The following SLC18B1 variants were observed in gnomAD, a reference collection of about 807,000 sequenced individuals.
The protein encoded by SLC18B1 is MFS-type transporter SLC18B1.
Under a neutral mutation model 53.9 loss-of-function variants are expected in SLC18B1, and 62 were observed. That is an observed-to-expected ratio of 1.15 (90% CI 0.94 to 1.42). The LOEUF (loss-of-function observed/expected upper bound fraction) is 1.42. Among genes scored for constraint, SLC18B1 ranks in the 40% most tolerant of loss-of-function variants. SLC18B1 has a pLI of 0.00. For missense variants in SLC18B1, 598 were observed against 547.3 expected (o/e 1.09, Z -0.93); for synonymous variants, 217 against 200.9 (o/e 1.08, Z -0.68).
intron 1 of SLC18B1, 87 bp from the exon 2 acceptor site, chr6:132,797,208 A>C (rs1369362367): frequency 6.6e-7 from 1 of 1,507,454 alleles, no homozygotes; most frequent in African/African-American, 1.4e-5. Flanking sequence ...CATATGTTGC[A>C]CTCTGAAGAT....
In SLC18B1 at chr6:132,795,004, CAAAA is replaced by C. The variant is rs920593881; in HGVS notation, c.183+1974_183+1977del. ...TCGATGACAGAGTGAAACCCTGTCT[CAAAA>C]AAAAAGCCCCAACTTAGATTTAGCC... On this transcript the variant is annotated intron_variant, in intron 2 of 13. Transcript: ENST00000275227. Among the ~76,000 whole-genome samples the C allele has an allele frequency of 2.0e-5, 3 of 150,000 alleles. No homozygotes were observed. In the East Asian group the frequency reaches 5.9e-4, roughly 29 times the overall value.
In SLC18B1 at chr6:132,772,975, G is replaced by A. The variant is rs770016111; in HGVS notation, c.1085+18C>T. On this transcript the variant is annotated intron_variant, in intron 10 of 13. Coordinates refer to ENST00000275227, the MANE Select transcript of SLC18B1 (RefSeq NM_052831.3). ...ACTTATTCACAATACAGCTCTTCAA[G>A]CAATGGAAGTAACTTACTGTGCACA... 6.3e-7 allele frequency: 1 copy of A among 1,575,698 alleles called. No homozygotes were observed. The highest frequency in any genetic ancestry group is 1.1e-5 in the South Asian group (1 of 90,176).
chr6:132,780,751 G>A (rs1417555517), intron 6 of SLC18B1, among the ~76,000 whole-genome samples: 4 of 151,810 alleles, frequency 2.6e-5, no homozygotes, highest in African/African-American at 9.7e-5. Context: ...TAGTAGAGAC[G>A]GGGTTTCACC....
Position 132,798,503 on chromosome 6 carries a change from G to A in SLC18B1, c.-47C>T. 6.9e-7 allele frequency: 1 copy of A among 1,440,712 alleles called. No individual in the cohort carries two copies. Among genetic ancestry groups the A allele is most frequent in the Non-Finnish European group, 9.2e-7 (1 of 1,091,108 alleles). 89.2% of individuals were successfully genotyped at this position (1,440,712 alleles called of 1,614,324 possible). On this transcript the variant is annotated 5_prime_UTR_variant, in exon 1 of 14. In the 5' UTR this introduces an upstream ATG that the reference lacks. Transcript: ENST00000275227. ...GCCCCAGCTCCCGGCTTCAAGCCAC[G>A]TCCTTGGACTCGACCTCCAAGGAGC...
At chr6:132,778,009 T>C (rs912786369) in intron 7 of SLC18B1, among the ~76,000 whole-genome samples, 1 of 152,134 alleles carries the variant, frequency 6.6e-6, no homozygotes, top group Non-Finnish European at 1.5e-5. Flanking sequence ...GTCAGCAAAG[T>C]GAGATAGGCT....
chr6:132,782,236 A>T (rs1480838840), intron 6 of SLC18B1, among the ~76,000 whole-genome samples: 1 of 151,962 alleles, frequency 6.6e-6, no homozygotes, highest in East Asian at 1.9e-4. Flanking sequence ...GGCTTTCAGG[A>T]TAACATTCAC....
At chr6:132,770,666 G>A (rs1393379315) in intron 13 of SLC18B1, among the ~76,000 whole-genome samples, 2 of 152,154 alleles carry the variant, frequency 1.3e-5, no homozygotes, top group Non-Finnish European at 2.9e-5. Flanking sequence ...AACCCGGGGG[G>A]CAGAAGTTGC....
chr6:132,776,302 C>A (rs781320037), intron 8 of SLC18B1, 26 bp downstream of exon 8: 3 of 1,566,054 alleles, frequency 1.9e-6, no homozygotes, highest in Non-Finnish European at 1.8e-6. Context: ...ACAAAAGTGA[C>A]TCAAATATAA....
intron 5 of SLC18B1, among the ~76,000 whole-genome samples, chr6:132,787,127 G>C (rs1054538770): frequency 2.0e-4 from 30 of 152,160 alleles, no homozygotes; most frequent in Middle Eastern, 3.4e-3. Context: ...AGGCTACGGG[G>C]AGACAGCAAA....
intron 6 of SLC18B1, among the ~76,000 whole-genome samples, chr6:132,781,065 T>A (rs1006216209): frequency 3.3e-5 from 5 of 152,202 alleles, no homozygotes; most frequent in African/African-American, 1.2e-4. Context: ...TAGTTACTTT[T>A]AAAATATAAA....
At chr6:132,778,448 T>C (rs1158657543) in intron 7 of SLC18B1, among the ~76,000 whole-genome samples, 2 of 152,186 alleles carry the variant, frequency 1.3e-5, no homozygotes, top group Admixed American at 6.5e-5. Flanking sequence ...AGGGGTAGTG[T>C]AAAATTATAA....
rs542590960 is a variant in SLC18B1, at chr6:132,781,057, G to A, written c.659-1653C>T. Among the ~76,000 whole-genome samples the A allele has an allele frequency of 1.5e-4, 23 of 152,170 alleles. 1 individual carries two copies. Among genetic ancestry groups the A allele is most frequent in the African/African-American group, 5.5e-4 (23 of 41,496 alleles). On this transcript the variant is annotated intron_variant, in intron 6 of 13. Transcript: ENST00000275227. ...TGAATTGTATATACTAAGGATGTTA[G>A]TTACTTTTAAAATATAAATTATAAA...
In SLC18B1 at chr6:132,787,390, G is replaced by A. The variant is rs375871138; in HGVS notation, c.501+44C>T. The A allele has an allele frequency of 2.0e-5, 30 of 1,487,740 alleles. No homozygotes were observed. The African/African-American group carries it at 4.3e-4, about 21-fold the overall frequency. The allele number at this position is 1,487,740 out of a possible 1,614,324, so 92.2% of individuals were successfully genotyped here. A position where few individuals can be genotyped will look rare whatever the true frequency, so the allele number is the denominator to read the frequency against. On this transcript the variant is annotated intron_variant, in intron 5 of 13. Coordinates refer to ENST00000275227, the MANE Select transcript of SLC18B1 (RefSeq NM_052831.3). ...TTAACTTGGAAGGGCAAATATTTTGGCCTACACTCAAAGGAAAGTGGGAAA... is the reference window on the plus strand; with the variant it reads ...TTAACTTGGAAGGGCAAATATTTTGACCTACACTCAAAGGAAAGTGGGAAA...
intron 8 of SLC18B1, 88 bp downstream of exon 8, chr6:132,776,240 G>T: frequency 2.0e-6 from 2 of 1,011,462 alleles, no homozygotes; most frequent in Non-Finnish European, 3.0e-6. Flanking sequence ...AGTCTAACCA[G>T]TGGAATCCTA....
At chr6:132,795,210 CT>C (rs1397916289) in intron 2 of SLC18B1, among the ~76,000 whole-genome samples, 1 of 151,720 alleles carries the variant, frequency 6.6e-6, no homozygotes, top group East Asian at 1.9e-4. Flanking sequence ...ACATCCTTTT[CT>C]TAAGGGATAT....
At chr6:132,789,697 C>A in intron 4 of SLC18B1, 67 bp downstream of exon 4, 1 of 1,090,740 alleles carries the variant, frequency 9.2e-7, no homozygotes, top group Non-Finnish European at 1.4e-6. Flanking sequence ...GAGTATTTAA[C>A]AATTTAAACA....
At chr6:132,787,393 T>G (rs760387664) in intron 5 of SLC18B1, 41 bp downstream of exon 5, 1 of 1,494,292 alleles carries the variant, frequency 6.7e-7, no homozygotes, top group Non-Finnish European at 8.9e-7. Context: ...TATTTTGGCC[T>G]ACACTCAAAG....
intron 2 of SLC18B1, among the ~76,000 whole-genome samples, chr6:132,793,125 T>C (rs1781592142): frequency 6.6e-6 from 1 of 151,926 alleles, no homozygotes; most frequent in African/African-American, 2.4e-5. Flanking sequence ...TCTGTCTCAA[T>C]AAATAAATAA....
chr6:132,796,556 G>T (rs965651189), intron 2 of SLC18B1, among the ~76,000 whole-genome samples: 1 of 142,068 alleles, frequency 7.0e-6, no homozygotes, highest in Non-Finnish European at 1.5e-5. Context: ...AAAAAAAAAG[G>T]AAGGGGGGTC....
Sources: allele counts gnomAD v4.1 joint callset (sites outside exome capture counted in the v4.1 genomes callset), GRCh38; gene constraint gnomAD v4.1.1; transcripts MANE v1.5; gene names NCBI Gene and HGNC (gene_info 2026-07-23, HGNC 2026-07-21).